The following TRAPPC12 variants were observed in gnomAD, a reference collection of about 807,000 sequenced individuals.
TRAPPC12 encodes TPR repeat protein 15.
In TRAPPC12, 61 loss-of-function variants were observed where a neutral mutation model predicts 69.2. The ratio of observed to expected loss-of-function variants is 0.88; its 90% CI spans 0.72 to 1.09. The LOEUF is 1.09. TRAPPC12 is among the 50% of genes least tolerant of loss of function. The probability of loss-of-function intolerance (pLI) is 0.00; values close to 1 mark genes in which losing one functional copy is unlikely to be tolerated. For missense variants in TRAPPC12, 1,101 were observed against 1,016.4 expected, an observed-to-expected ratio of 1.08 and a Z score of -1.13; for synonymous variants, 469 against 438.9, an observed-to-expected ratio of 1.07 and a Z score of -0.86.
chr2:3,440,139 A>G (rs931084113), intron 5 of TRAPPC12, among the ~76,000 whole-genome samples: 3 of 152,158 alleles, frequency 2.0e-5, no homozygotes, highest in Non-Finnish European at 2.9e-5. Context: ...TCAGCCTGCC[A>G]GATTTGCTCT....
intron 2 of TRAPPC12, chr2:3,389,563 G>A (rs778227136): frequency 7.0e-6 from 3 of 430,604 alleles, no homozygotes; most frequent in Non-Finnish European, 1.5e-5. Flanking sequence ...CGTGCACACA[G>A]CTCTTTTCGA....
At chr2:3,434,037 G>T (rs1477424505) in intron 5 of TRAPPC12, among the ~76,000 whole-genome samples, 2 of 152,152 alleles carry the variant, frequency 1.3e-5, no homozygotes, top group African/African-American at 4.8e-5. Context: ...CAGAGACAGG[G>T]GCTAGGTTTG....
intron 1 of TRAPPC12, among the ~76,000 whole-genome samples, chr2:3,385,978 A>G (rs1316721817): frequency 6.6e-6 from 1 of 152,256 alleles, no homozygotes; most frequent in East Asian, 1.9e-4. Flanking sequence ...AGGAAAAAAA[A>G]CGTTTTACTC....
rs1410600189 is a variant in TRAPPC12, at chr2:3,388,676, C to CCCG, written c.1047+7_1047+9dup. The CCCG allele has an allele frequency of 6.5e-7, 1 of 1,532,788 alleles. No individual in the cohort carries two copies. Among genetic ancestry groups the CCCG allele is most frequent in the African/African-American group, 1.4e-5 (1 of 73,244 alleles). 94.9% of individuals were successfully genotyped at this position (1,532,788 alleles called of 1,614,324 possible). The stretch of plus-strand genomic sequence containing the variant: ...TCAGGTTCGACAACATCCAGGTGAG[C>CCCG]CCGGGTCTCCCACCTCCGCAGCCCG... On this transcript the variant is annotated splice_region_variant and intron_variant, in intron 2 of 11. Coordinates refer to ENST00000324266, the MANE Select transcript of TRAPPC12 (RefSeq NM_016030.6).
intron 6 of TRAPPC12, among the ~76,000 whole-genome samples, chr2:3,454,231 C>G (rs1665008672): frequency 6.6e-6 from 1 of 152,164 alleles, no homozygotes; most frequent in African/African-American, 2.4e-5. Context: ...TGCCTGGTGT[C>G]TCCGTGTCCT....
intron 6 of TRAPPC12, chr2:3,456,774 T>A (rs1001023497): frequency 2.4e-5 from 6 of 253,790 alleles, no homozygotes; most frequent in Non-Finnish European, 4.6e-5. Flanking sequence ...AGATGGGGTT[T>A]TGCCATGTTG....
At chr2:3,474,984 G>C (rs1349601832) in intron 9 of TRAPPC12, among the ~76,000 whole-genome samples, 2 of 152,206 alleles carry the variant, frequency 1.3e-5, no homozygotes, top group Non-Finnish European at 2.9e-5. Context: ...TTCGCACAGA[G>C]TAAAAGACAG....
intron 7 of TRAPPC12, among the ~76,000 whole-genome samples, chr2:3,459,493 CT>C (rs1262782250): frequency 6.6e-6 from 1 of 152,206 alleles, no homozygotes; most frequent in African/African-American, 2.4e-5. Flanking sequence ...CCCAGGGGAC[CT>C]TTGCAGACCC....
chr2:3,447,136 T>C (rs1664552986), intron 6 of TRAPPC12, among the ~76,000 whole-genome samples: 1 of 151,884 alleles, frequency 6.6e-6, no homozygotes, highest in Admixed American at 6.6e-5. Context: ...AGTCTCGTTC[T>C]GTCACCCAGG....
At chr2:3,413,644 A>C (rs546000490) in intron 3 of TRAPPC12, among the ~76,000 whole-genome samples, 3 of 152,216 alleles carry the variant, frequency 2.0e-5, no homozygotes, top group Non-Finnish European at 4.4e-5. Flanking sequence ...TTTTTAAAAA[A>C]AGACGACAAG....
intron 5 of TRAPPC12, among the ~76,000 whole-genome samples, chr2:3,441,492 G>A (rs1188431690): frequency 1.3e-5 from 2 of 151,834 alleles, no homozygotes; most frequent in Non-Finnish European, 1.5e-5. Flanking sequence ...GACTAGCCTG[G>A]GGAGAGACTT....
At chr2:3,452,524 A>G (rs1194676392) in intron 6 of TRAPPC12, among the ~76,000 whole-genome samples, 1 of 152,176 alleles carries the variant, frequency 6.6e-6, no homozygotes, top group Non-Finnish European at 1.5e-5. Context: ...CTGGCCCTGC[A>G]GGACAGGCTC....
At chr2:3,405,950 A>G (rs1266115321) in intron 3 of TRAPPC12, among the ~76,000 whole-genome samples, 2 of 152,104 alleles carry the variant, frequency 1.3e-5, no homozygotes, top group Non-Finnish European at 1.5e-5. Flanking sequence ...TGCTTGTACT[A>G]CATCTTGAAT....
intron 9 of TRAPPC12, chr2:3,466,141 T>C (rs889516279): frequency 2.8e-4 from 114 of 412,114 alleles, no homozygotes; most frequent in African/African-American, 2.3e-3. Context: ...CAGGACCCCC[T>C]TTGCTAAGAA....
intron 6 of TRAPPC12, 30 bp from the exon 7 acceptor site, chr2:3,457,591 T>G (rs1238493269): frequency 1.9e-6 from 3 of 1,605,766 alleles, no homozygotes; most frequent in Non-Finnish European, 1.7e-6. Flanking sequence ...GTTCCCATGA[T>G]TTTGTCCTTC....
At chr2:3,478,130 T>A in intron 10 of TRAPPC12, 1 of 61,852 alleles carries the variant, frequency 1.6e-5, no homozygotes, top group Non-Finnish European at 2.8e-5. Flanking sequence ...GTTCTGTGTC[T>A]GGATCCCGTG....
At chr2:3,417,066 C>G (rs1158732238) in intron 3 of TRAPPC12, among the ~76,000 whole-genome samples, 10 of 152,106 alleles carry the variant, frequency 6.6e-5, no homozygotes, top group African/African-American at 2.4e-4. Flanking sequence ...ACCTGCATCT[C>G]CAGTGTCTTC....
intron 3 of TRAPPC12, among the ~76,000 whole-genome samples, chr2:3,411,441 G>T (rs776297263): frequency 1.6e-4 from 24 of 152,030 alleles, no homozygotes; most frequent in Non-Finnish European, 1.8e-4. Context: ...GCAAGTTCCT[G>T]TATCTAAAAG....
chr2:3,419,373 T>G (rs923965245), intron 3 of TRAPPC12, among the ~76,000 whole-genome samples: 7 of 152,258 alleles, frequency 4.6e-5, no homozygotes, highest in Non-Finnish European at 1.0e-4. Flanking sequence ...TATAAAGTGA[T>G]TATTGCATTG....
Sources: allele counts gnomAD v4.1 joint callset (sites outside exome capture counted in the v4.1 genomes callset), GRCh38; gene constraint gnomAD v4.1.1; transcripts MANE v1.5; gene names NCBI Gene and HGNC (gene_info 2026-07-23, HGNC 2026-07-21).